Variants in STIM2 observed in about 807,000 individuals in gnomAD.
STIM2 encodes the protein stromal interaction molecule 2.
A neutral mutation model predicts 85.8 loss-of-function variants in STIM2; 31 were observed. The ratio of observed to expected loss-of-function variants is 0.36; its 90% CI spans 0.27 to 0.49. The LOEUF (loss-of-function observed/expected upper bound fraction) is 0.49. STIM2 is among the 20% of genes least tolerant of loss of function. The pLI is 0.98. For missense variants in STIM2, 841 were observed against 927.6 expected, an observed-to-expected ratio of 0.91 and a Z score of 1.21; for synonymous variants, 356 against 331.1, an observed-to-expected ratio of 1.08 and a Z score of -0.82.
intron 2 of STIM2, among the ~76,000 whole-genome samples, chr4:26,942,161 C>T (rs1466140165): frequency 2.0e-5 from 3 of 152,122 alleles, no homozygotes; most frequent in Non-Finnish European, 4.4e-5. Context: ...CCACTGGGGG[C>T]TCACCATCTG....
intron 7 of STIM2, among the ~76,000 whole-genome samples, chr4:27,007,164 T>C (rs1728392313): frequency 6.6e-6 from 1 of 151,688 alleles, no homozygotes; most frequent in Non-Finnish European, 1.5e-5. Context: ...TTTTAATTTG[T>C]ATATACCCTT....
At chr4:26,929,704 A>T (rs1298199729) in intron 2 of STIM2, among the ~76,000 whole-genome samples, 1 of 152,054 alleles carries the variant, frequency 6.6e-6, no homozygotes, top group Non-Finnish European at 1.5e-5. Context: ...AATTTATTTA[A>T]TATTGAGCTA....
At chr4:26,876,239 G>A (rs1229059073) in intron 1 of STIM2, among the ~76,000 whole-genome samples, 3 of 152,052 alleles carry the variant, frequency 2.0e-5, no homozygotes, top group African/African-American at 7.2e-5. Context: ...ACAGGGTATT[G>A]GTAAAATTAG....
At chr4:26,933,599 ATCAT>A (rs1725279278) in intron 2 of STIM2, among the ~76,000 whole-genome samples, 1 of 151,948 alleles carries the variant, frequency 6.6e-6, no homozygotes, top group Non-Finnish European at 1.5e-5. Context: ...ACTGTTTTTT[ATCAT>A]ATGCTTTGGG....
chr4:26,957,273 A>G (rs1420417085), intron 2 of STIM2, among the ~76,000 whole-genome samples: 1 of 152,154 alleles, frequency 6.6e-6, no homozygotes, highest in African/African-American at 2.4e-5. Context: ...TTTCCCCCAA[A>G]TATTTTCAAT....
chr4:26,934,110 C>T (rs962582644), intron 2 of STIM2, among the ~76,000 whole-genome samples: 1 of 152,002 alleles, frequency 6.6e-6, no homozygotes, highest in Admixed American at 6.5e-5. Flanking sequence ...AGAAGAATCA[C>T]TTGAACCCAG....
intron 1 of STIM2, among the ~76,000 whole-genome samples, chr4:26,883,608 A>T (rs527609848): frequency 6.6e-6 from 1 of 152,320 alleles, no homozygotes; most frequent in South Asian, 2.1e-4. Flanking sequence ...TGGGCAAAGC[A>T]GTTTAACAGA....
At chr4:27,005,029 T>TGG (rs1560237332) in intron 7 of STIM2, among the ~76,000 whole-genome samples, 28 of 152,140 alleles carry the variant, frequency 1.8e-4, no homozygotes, top group South Asian at 4.1e-4. Flanking sequence ...GTTTTGCGTG[T>TGG]CATATTCCAA....
At chr4:26,958,259 G>A (rs1396441423) in intron 3 of STIM2, among the ~76,000 whole-genome samples, 1 of 152,002 alleles carries the variant, frequency 6.6e-6, no homozygotes, top group Non-Finnish European at 1.5e-5. Context: ...AAAAGTCTGT[G>A]ATCTAAAAAT....
At chr4:26,916,543 G>A (rs1269822319) in intron 1 of STIM2, among the ~76,000 whole-genome samples, 1 of 152,122 alleles carries the variant, frequency 6.6e-6, no homozygotes, top group South Asian at 2.1e-4. Flanking sequence ...GAATCTGATT[G>A]TGTTATTCCC....
intron 3 of STIM2, among the ~76,000 whole-genome samples, chr4:26,987,790 G>A (rs1324994093): frequency 6.6e-6 from 1 of 152,230 alleles, no homozygotes; most frequent in Non-Finnish European, 1.5e-5. Context: ...GTAATTGCCT[G>A]TGGCAGATTG....
At chr4:26,979,129 T>TC (rs1374024872) in intron 3 of STIM2, among the ~76,000 whole-genome samples, 1 of 152,302 alleles carries the variant, frequency 6.6e-6, no homozygotes, top group East Asian at 1.9e-4. Context: ...TCCAAAATCT[T>TC]CCTGGCTATT....
In STIM2 at chr4:26,995,370, C is replaced by T; in HGVS notation, c.398-9C>T. On this transcript the variant is annotated splice_polypyrimidine_tract_variant and intron_variant, in intron 3 of 11. Coordinates refer to ENST00000467087, the MANE Select transcript of STIM2 (RefSeq NM_020860.4). ...TTTAAAATATGCATTCCCCTTTTAT[C>T]TCCTGCAGTTCATAATTGGACCCTT... 6.6e-7 allele frequency: 1 copy of T among 1,508,870 alleles called. No homozygotes were observed. Among genetic ancestry groups the T allele is most frequent in the Non-Finnish European group, 9.0e-7 (1 of 1,113,080 alleles). 93.5% of individuals were successfully genotyped at this position (1,508,870 alleles called of 1,614,324 possible). A position where few individuals can be genotyped will look rare whatever the true frequency, so the allele number is the denominator to read the frequency against.
At chr4:26,979,654 T>C (rs1727311271) in intron 3 of STIM2, among the ~76,000 whole-genome samples, 1 of 152,206 alleles carries the variant, frequency 6.6e-6, no homozygotes, top group South Asian at 2.1e-4. Context: ...GCAAATATAA[T>C]TAAAACATAT....
intron 1 of STIM2, among the ~76,000 whole-genome samples, chr4:26,909,700 C>T (rs993889058): frequency 2.0e-5 from 3 of 152,142 alleles, no homozygotes; most frequent in Non-Finnish European, 4.4e-5. Context: ...TAAAATTGAT[C>T]ATTTTAACCG....
intron 1 of STIM2, among the ~76,000 whole-genome samples, chr4:26,864,777 T>A (rs1246550424): frequency 6.6e-6 from 1 of 152,142 alleles, no homozygotes; most frequent in Non-Finnish European, 1.5e-5. Flanking sequence ...TAATACCACA[T>A]ATAATAGCAT....
chr4:26,870,944 G>A (rs545629940), intron 1 of STIM2, among the ~76,000 whole-genome samples: 2 of 151,294 alleles, frequency 1.3e-5, no homozygotes, highest in African/African-American at 4.9e-5. Context: ...AGTATGTGCC[G>A]AGAATGTATG....
chr4:26,873,461 A>G (rs139851775), intron 1 of STIM2: 9 of 259,250 alleles, frequency 3.5e-5, no homozygotes, highest in African/African-American at 1.4e-4. Flanking sequence ...GAACTAAATC[A>G]TTGTGGCTAG....
At chr4:26,992,993 T>G (rs2109123507) in intron 3 of STIM2, among the ~76,000 whole-genome samples, 1 of 152,256 alleles carries the variant, frequency 6.6e-6, no homozygotes, top group Admixed American at 6.5e-5. Flanking sequence ...TTCCTTTCTG[T>G]ACTGACTTAC....
Sources: gnomAD v4.1 joint callset for allele counts (sites outside exome capture counted in the v4.1 genomes callset) on GRCh38, gnomAD v4.1.1 for gene constraint, MANE v1.5 for transcripts, NCBI Gene and HGNC (gene_info 2026-07-23, HGNC 2026-07-21) for gene names.